The following RABGAP1L variants were observed in gnomAD, a reference collection of about 807,000 sequenced individuals.
The protein encoded by RABGAP1L is rab GTPase-activating protein 1-like.
A neutral mutation model predicts 137.7 loss-of-function variants in RABGAP1L; 63 were observed. That is an observed-to-expected ratio of 0.46 (90% confidence interval 0.37 to 0.56). RABGAP1L has a LOEUF of 0.56. RABGAP1L is among the 20% of genes least tolerant of loss of function. The pLI, the probability that RABGAP1L is intolerant of heterozygous loss-of-function variation, is 0.00. For synonymous variants in RABGAP1L, 431 were observed against 433.7 expected, an observed-to-expected ratio of 0.99 and a Z score of 0.08; for missense variants, 1,095 against 1,244.0, an observed-to-expected ratio of 0.88 and a Z score of 1.80.
intron 13 of RABGAP1L, among the ~76,000 whole-genome samples, chr1:174,539,465 C>A (rs1238461660): frequency 6.6e-6 from 1 of 152,084 alleles, no homozygotes; most frequent in Non-Finnish European, 1.5e-5. Flanking sequence ...ACAACAGGCC[C>A]TGGTGTGTGA....
At chr1:174,507,233 A>C (rs1245439294) in intron 13 of RABGAP1L, among the ~76,000 whole-genome samples, 1 of 152,238 alleles carries the variant, frequency 6.6e-6, no homozygotes, top group Non-Finnish European at 1.5e-5. Flanking sequence ...CTAATAGTAT[A>C]GTACTGTTTT....
At chr1:174,497,258 T>C (rs537184561) in intron 13 of RABGAP1L, among the ~76,000 whole-genome samples, 1 of 152,336 alleles carries the variant, frequency 6.6e-6, no homozygotes, top group South Asian at 2.1e-4. Context: ...ATAGGATCTC[T>C]TTTCCTTTTA....
intron 12 of RABGAP1L, among the ~76,000 whole-genome samples, chr1:174,392,908 A>G (rs1433381710): frequency 6.6e-6 from 1 of 152,246 alleles, no homozygotes; most frequent in East Asian, 1.9e-4. Context: ...CAGCTCTAAT[A>G]GATAAAAAAT....
chr1:174,208,775 G>A (rs533486269), intron 1 of RABGAP1L, among the ~76,000 whole-genome samples: 2 of 152,290 alleles, frequency 1.3e-5, no homozygotes, highest in East Asian at 3.9e-4. Flanking sequence ...CACAGAATGA[G>A]TTAGAAAGTA....
At chr1:174,988,559 C>A in intron 24 of RABGAP1L, 82 bp from the exon 25 acceptor site, 1 of 1,224,812 alleles carries the variant, frequency 8.2e-7, no homozygotes, top group Non-Finnish European at 1.1e-6. Flanking sequence ...TAAGCAGCAT[C>A]TAAAAAAGTC....
chr1:174,613,702 G>T (rs1392030638), intron 13 of RABGAP1L, among the ~76,000 whole-genome samples: 2 of 152,154 alleles, frequency 1.3e-5, no homozygotes, highest in African/African-American at 4.8e-5. Flanking sequence ...AAGTCTCTTT[G>T]TAGGTTACTC....
chr1:174,666,147 T>C (rs893638223), intron 14 of RABGAP1L, among the ~76,000 whole-genome samples: 2 of 152,190 alleles, frequency 1.3e-5, no homozygotes, highest in African/African-American at 4.8e-5. Flanking sequence ...AGTTTGCAAA[T>C]AAATTTATTC....
chr1:174,265,998 C>T (rs929275294), intron 7 of RABGAP1L, among the ~76,000 whole-genome samples: 3 of 152,032 alleles, frequency 2.0e-5, no homozygotes, highest in African/African-American at 7.2e-5. Context: ...AAACGATTTC[C>T]TACCTGATGA....
chr1:174,627,975 A>G (rs1216690674), intron 13 of RABGAP1L, among the ~76,000 whole-genome samples: 3 of 152,104 alleles, frequency 2.0e-5, no homozygotes, highest in Non-Finnish European at 4.4e-5. Flanking sequence ...ACTATTTTTT[A>G]TCTTTAAAAG....
intron 7 of RABGAP1L, among the ~76,000 whole-genome samples, chr1:174,257,192 A>G (rs1285907877): frequency 6.6e-6 from 1 of 152,214 alleles, no homozygotes; most frequent in Admixed American, 6.5e-5. Context: ...TTAGCATAAC[A>G]AAGCATCTTT....
intron 19 of RABGAP1L, among the ~76,000 whole-genome samples, chr1:174,836,232 G>C (rs1573426356): frequency 6.6e-6 from 1 of 151,988 alleles, no homozygotes; most frequent in African/African-American, 2.4e-5. Flanking sequence ...GAGTAGATTA[G>C]GATGTTAGGA....
At chr1:174,925,937 T>C (rs867527381) in intron 19 of RABGAP1L, among the ~76,000 whole-genome samples, 1 of 146,164 alleles carries the variant, frequency 6.8e-6, no homozygotes, top group Non-Finnish European at 1.5e-5. Flanking sequence ...TGATCTTGGC[T>C]GACTGCAACC....
At chr1:174,370,463 C>CA (rs1339083245) in intron 11 of RABGAP1L, among the ~76,000 whole-genome samples, 3 of 37,872 alleles carry the variant, frequency 7.9e-5, no homozygotes. Context: ...TTAAAAATAC[C>CA]TTTTTTTTTT....
chr1:174,554,616 G>A (rs1301955868), intron 13 of RABGAP1L, among the ~76,000 whole-genome samples: 1 of 152,120 alleles, frequency 6.6e-6, no homozygotes, highest in Non-Finnish European at 1.5e-5. Context: ...ATTACGTGTT[G>A]TATCACCTTC....
chr1:174,542,893 G>A (rs186949637), intron 13 of RABGAP1L, among the ~76,000 whole-genome samples: 1 of 152,312 alleles, frequency 6.6e-6, no homozygotes, highest in East Asian at 1.9e-4. Flanking sequence ...TTTCCATGTA[G>A]TTGAGCAGCT....
chr1:174,756,349 C>T (rs1433889555), intron 18 of RABGAP1L, among the ~76,000 whole-genome samples: 6 of 152,046 alleles, frequency 3.9e-5, no homozygotes, highest in African/African-American at 7.3e-5. Context: ...GGGGTTTCAC[C>T]ATGTTGGCCA....
intron 13 of RABGAP1L, among the ~76,000 whole-genome samples, chr1:174,635,414 G>C (rs1230348983): frequency 6.6e-6 from 1 of 152,058 alleles, no homozygotes; most frequent in African/African-American, 2.4e-5. Context: ...AGAAAACCTG[G>C]CAGTGAAAAC....
chr1:174,506,448 G>T (rs1661822879), intron 13 of RABGAP1L, among the ~76,000 whole-genome samples: 1 of 152,062 alleles, frequency 6.6e-6, no homozygotes, highest in Non-Finnish European at 1.5e-5. Context: ...TCAGGAAATG[G>T]CAGTACGTCA....
intron 20 of RABGAP1L, among the ~76,000 whole-genome samples, chr1:174,959,792 C>G (rs1286551330): frequency 2.0e-5 from 3 of 152,136 alleles, no homozygotes; most frequent in Admixed American, 2.0e-4. Flanking sequence ...ATTACATCTT[C>G]AAGGTGGCAG....
Sources: gnomAD v4.1 joint callset for allele counts (sites outside exome capture counted in the v4.1 genomes callset) on GRCh38, gnomAD v4.1.1 for gene constraint, MANE v1.5 for transcripts, NCBI Gene and HGNC (gene_info 2026-07-23, HGNC 2026-07-21) for gene names.